The following RBFOX1 variants were observed in gnomAD, a reference collection of about 807,000 sequenced individuals.
RBFOX1 encodes RNA binding protein fox-1 homolog 1.
Under a neutral mutation model 57.7 loss-of-function variants are expected in RBFOX1, and 8 were observed. The ratio of observed to expected loss-of-function variants is 0.14; its 90% CI spans 0.08 to 0.25. RBFOX1 has a LOEUF of 0.25. Among genes scored for constraint, RBFOX1 ranks in the 10% least tolerant of loss-of-function variants. The probability of loss-of-function intolerance (pLI) is 1.00; values close to 1 mark genes in which losing one functional copy is unlikely to be tolerated. For synonymous variants in RBFOX1, 326 were observed against 222.4 expected (o/e 1.47, Z -4.15); for missense variants, 611 against 548.5 (o/e 1.11, Z -1.14).
At chr16:6,847,478 G>A (rs1400131269) in intron 3 of RBFOX1, among the ~76,000 whole-genome samples, 1 of 152,058 alleles carries the variant, frequency 6.6e-6, no homozygotes, top group Non-Finnish European at 1.5e-5. Flanking sequence ...GGGGTGGGCT[G>A]GAATCCTTAC....
At chr16:5,637,897 A>G (rs760328603) in intron 3 of RBFOX1, among the ~76,000 whole-genome samples, 4 of 152,108 alleles carry the variant, frequency 2.6e-5, no homozygotes, top group Non-Finnish European at 5.9e-5. Flanking sequence ...GGAGGAAATG[A>G]CCCTGTTTCC....
intron 4 of RBFOX1, among the ~76,000 whole-genome samples, chr16:6,011,661 A>G (rs1404608946): frequency 6.6e-6 from 1 of 152,176 alleles, no homozygotes; most frequent in African/African-American, 2.4e-5. Flanking sequence ...CGGGCATGTA[A>G]TGACCTCTTG....
At chr16:7,496,491 C>G (rs1358238204) in intron 4 of RBFOX1, among the ~76,000 whole-genome samples, 2 of 151,972 alleles carry the variant, frequency 1.3e-5, no homozygotes, top group East Asian at 1.9e-4. Context: ...ACTCAGAGCC[C>G]TTATGGGGAT....
intron 13 of RBFOX1, among the ~76,000 whole-genome samples, chr16:7,673,893 G>A (rs893764141): frequency 6.6e-6 from 1 of 152,098 alleles, no homozygotes; most frequent in Non-Finnish European, 1.5e-5. Flanking sequence ...AATGATCTCG[G>A]AAGACCAGGT....
At chr16:6,653,732 G>A (rs1179532052) in intron 2 of RBFOX1, among the ~76,000 whole-genome samples, 1 of 151,770 alleles carries the variant, frequency 6.6e-6, no homozygotes, top group African/African-American at 2.4e-5. Context: ...GATAGAGGAT[G>A]GATAGATGGA....
chr16:7,391,501 G>C (rs2098021022), intron 4 of RBFOX1, among the ~76,000 whole-genome samples: 2 of 152,174 alleles, frequency 1.3e-5, no homozygotes, highest in South Asian at 4.1e-4. Context: ...ACCCATGTGT[G>C]CTTTTGGACC....
chr16:6,254,600 A>G (rs971788971), intron 1 of RBFOX1, among the ~76,000 whole-genome samples: 14 of 152,164 alleles, frequency 9.2e-5, no homozygotes, highest in African/African-American at 3.1e-4. Flanking sequence ...ACATTTTAAC[A>G]TCTGTGCAAC....
chr16:6,094,046 G>A (rs2034597), intron 1 of RBFOX1, among the ~76,000 whole-genome samples: 57,239 of 151,974 alleles, frequency 0.38, 11,269 homozygotes, highest in South Asian at 0.56. Context: ...TACTTTTAAA[G>A]TTAGTGGTCC....
intron 3 of RBFOX1, among the ~76,000 whole-genome samples, chr16:5,696,216 T>A (rs1469776835): frequency 6.6e-6 from 1 of 152,218 alleles, no homozygotes; most frequent in African/African-American, 2.4e-5. Context: ...CTGGGTACCT[T>A]CTCCCATTTT....
intron 4 of RBFOX1, among the ~76,000 whole-genome samples, chr16:7,482,790 A>G (rs2064333908): frequency 6.6e-6 from 1 of 152,032 alleles, no homozygotes; most frequent in African/African-American, 2.4e-5. Flanking sequence ...ACCCACCTCT[A>G]TGTAAATGAG....
chr16:6,836,699 T>C lies in RBFOX1; in HGVS notation c.-16+182049T>C, dbSNP rs141194639. ...CCCCTAATTTATCCTGTGTGGACTA[T>C]GATAGCTCCCTTGCTACAATAACAT... On this transcript the variant is annotated intron_variant, in intron 3 of 15. Coordinates refer to ENST00000550418, the MANE Select transcript of RBFOX1 (RefSeq NM_018723.4). 4.6e-5 allele frequency among the ~76,000 whole-genome samples: 7 copies of C among 152,350 alleles called. No homozygotes were observed. In the East Asian group the frequency reaches 1.3e-3, roughly 29 times the overall value.
chr16:6,728,097 C>T (rs1239309969), intron 3 of RBFOX1, among the ~76,000 whole-genome samples: 1 of 152,180 alleles, frequency 6.6e-6, no homozygotes, highest in African/African-American at 2.4e-5. Flanking sequence ...ACCAAGTGAA[C>T]TTCAATAAAT....
chr16:6,885,105 C>G (rs1034067734), intron 3 of RBFOX1, among the ~76,000 whole-genome samples: 5 of 152,152 alleles, frequency 3.3e-5, no homozygotes, highest in South Asian at 2.1e-4. Flanking sequence ...CAGGACTGCT[C>G]TGACTGAAAC....
At chr16:6,419,271 G>C (rs868348051) in intron 2 of RBFOX1, among the ~76,000 whole-genome samples, 1 of 152,030 alleles carries the variant, frequency 6.6e-6, no homozygotes, top group Non-Finnish European at 1.5e-5. Flanking sequence ...CTGTGGTATC[G>C]TATTGCAGAG....
chr16:6,467,225 G>A (rs1340576332), intron 2 of RBFOX1, among the ~76,000 whole-genome samples: 2 of 151,010 alleles, frequency 1.3e-5, no homozygotes, highest in Non-Finnish European at 3.0e-5. Flanking sequence ...ATATAATAAA[G>A]TTTTCTTAAT....
chr16:6,727,166 T>C (rs1402055411), intron 3 of RBFOX1, among the ~76,000 whole-genome samples: 6 of 151,800 alleles, frequency 4.0e-5, no homozygotes, highest in Admixed American at 3.9e-4. Context: ...AAAGTCGCAA[T>C]TCCATAGAAA....
At chr16:7,239,418 A>G (rs11643961) in intron 4 of RBFOX1, among the ~76,000 whole-genome samples, 101,598 of 152,046 alleles carry the variant, frequency 0.67, 36,098 homozygotes, top group African/African-American at 0.92. Context: ...AGAATTGCTT[A>G]AACCTGGGAG....
chr16:5,776,923 T>C (rs1049468798), intron 3 of RBFOX1, among the ~76,000 whole-genome samples: 2 of 152,232 alleles, frequency 1.3e-5, no homozygotes, highest in African/African-American at 4.8e-5. Context: ...ACGTGAAATA[T>C]GGCTTAAGAT....
At chr16:6,679,878 G>GGTTT (rs1487919870) in intron 3 of RBFOX1, among the ~76,000 whole-genome samples, 3 of 114,306 alleles carry the variant, frequency 2.6e-5, no homozygotes, top group Admixed American at 9.2e-5. Context: ...GTTTCTACTT[G>GGTTT]TTTTTTTTTT....
Sources: gnomAD v4.1 joint callset for allele counts (sites outside exome capture counted in the v4.1 genomes callset) on GRCh38, gnomAD v4.1.1 for gene constraint, MANE v1.5 for transcripts, NCBI Gene and HGNC (gene_info 2026-07-23, HGNC 2026-07-21) for gene names.